The following SPAM1 variants were observed in gnomAD, a reference collection of about 807,000 sequenced individuals.
The protein encoded by SPAM1 is hyaluronidase PH-20.
In SPAM1, 22 loss-of-function variants were observed where a neutral mutation model predicts 29.6. The ratio of observed to expected loss-of-function variants is 0.74; its 90% CI spans 0.53 to 1.06. The LOEUF (loss-of-function observed/expected upper bound fraction) is 1.06. Ranked by LOEUF, SPAM1 falls within the 50% of genes least tolerant of loss-of-function variation. The probability of loss-of-function intolerance (pLI) is 0.00; values close to 1 mark genes in which losing one functional copy is unlikely to be tolerated. For missense variants in SPAM1, 534 were observed against 604.0 expected (o/e 0.88, Z 1.21); for synonymous variants, 194 against 204.6 (o/e 0.95, Z 0.44).
chr7:123,951,549 C>T (rs1054516208), intron 2 of SPAM1, among the ~76,000 whole-genome samples: 39 of 152,218 alleles, frequency 2.6e-4, no homozygotes, highest in African/African-American at 8.9e-4. Context: ...ATAGAAGTGT[C>T]CATTCTTTTT....
chr7:123,960,501 A>G (rs1489578987), downstream of SPAM1, among the ~76,000 whole-genome samples: 1 of 94,036 alleles, frequency 1.1e-5, no homozygotes, highest in East Asian at 2.3e-4. Context: ...GAAAAGAATT[A>G]GTATTTTTTT....
intron 4 of SPAM1, among the ~76,000 whole-genome samples, chr7:123,955,878 T>G (rs1792238834): frequency 6.6e-6 from 1 of 151,968 alleles, no homozygotes. Context: ...GTATTTTATG[T>G]GTCAGAAAAT....
At chr7:123,962,269 G>C (rs1294588277), downstream of SPAM1, among the ~76,000 whole-genome samples, 3 of 151,840 alleles carry the variant, frequency 2.0e-5, no homozygotes, top group Admixed American at 6.6e-5. Flanking sequence ...CTGATGATTA[G>C]TAAAGATGAG....
At chr7:123,971,225 A>G (rs1009239177) in exon 7 of SPAM1, 1 of 152,156 alleles carries the variant, frequency 6.6e-6, no homozygotes, top group Non-Finnish European at 1.5e-5. Context: ...ATATAAGATT[A>G]TAAGAAAAAT....
At chr7:123,949,180 T>A (rs1283317932) in intron 1 of SPAM1, among the ~76,000 whole-genome samples, 4 of 152,228 alleles carry the variant, frequency 2.6e-5, no homozygotes, top group African/African-American at 9.6e-5. Flanking sequence ...AGGTTTATGG[T>A]TATTTGTCTT....
At chr7:123,934,789 C>T (rs1332956435) in intron 1 of SPAM1, among the ~76,000 whole-genome samples, 1 of 151,990 alleles carries the variant, frequency 6.6e-6, no homozygotes, top group Non-Finnish European at 1.5e-5. Context: ...AAACGTTGAT[C>T]TTATAGAGGC....
At chr7:123,961,794 C>T (rs544885508), downstream of SPAM1, among the ~76,000 whole-genome samples, 4 of 152,062 alleles carry the variant, frequency 2.6e-5, no homozygotes, top group East Asian at 1.9e-4. Context: ...TTCTTAGTTC[C>T]GCATGGCTGG....
In SPAM1 at chr7:123,954,273, A is replaced by T; in HGVS notation, c.703A>T (p.Asn235Tyr). Residue 235 changes from asparagine to tyrosine, a missense_variant, in exon 3 of 5, where the codon AAT becomes TAT. By Grantham distance (143) the Asn-to-Tyr change is moderately radical. Transcript: ENST00000682466. Reference sequence around the variant, plus strand: ...CCATCACTATAAGAAACCCGGTTACAATGGAAGTTGCTTCAATGTAGAAAT... The same window carrying T: ...CCATCACTATAAGAAACCCGGTTACTATGGAAGTTGCTTCAATGTAGAAAT... The part of the protein sequence containing the change: ...YNHHYKKPGY[N>Y]GSCFNVEIKR... The T allele has an allele frequency of 2.5e-6, 4 of 1,612,582 alleles. No individual in the cohort carries two copies. The highest frequency in any genetic ancestry group is 3.4e-6 in the Non-Finnish European group (4 of 1,179,466).
intron 1 of SPAM1, among the ~76,000 whole-genome samples, chr7:123,945,519 CA>C: frequency 6.6e-6 from 1 of 152,058 alleles, no homozygotes; most frequent in Non-Finnish European, 1.5e-5. Flanking sequence ...CCTCTAAAGC[CA>C]AAGAGGTCAG....
At chr7:123,939,146 T>A (rs1045355410) in intron 1 of SPAM1, among the ~76,000 whole-genome samples, 6 of 149,340 alleles carry the variant, frequency 4.0e-5, no homozygotes, top group African/African-American at 9.9e-5. Flanking sequence ...AGTGCAGTGG[T>A]GCGATCTCGG....
chr7:123,970,753 G>A (rs1262419875), intron 6 of SPAM1, among the ~76,000 whole-genome samples: 1 of 151,818 alleles, frequency 6.6e-6, no homozygotes, highest in Non-Finnish European at 1.5e-5. Context: ...GATGAATCCA[G>A]TATATGAATG....
At chr7:123,939,480 T>G (rs1808361551) in intron 1 of SPAM1, among the ~76,000 whole-genome samples, 1 of 152,226 alleles carries the variant, frequency 6.6e-6, no homozygotes, top group African/African-American at 2.4e-5. Context: ...TGAATAATGC[T>G]TGTGTTCTGT....
At chr7:123,942,654 G>C (rs992797998) in intron 1 of SPAM1, among the ~76,000 whole-genome samples, 6 of 152,170 alleles carry the variant, frequency 3.9e-5, no homozygotes, top group African/African-American at 1.4e-4. Context: ...TATTAATGGA[G>C]TGAATTCCTC....
chr7:123,952,051 C>T (rs561183099), intron 2 of SPAM1, among the ~76,000 whole-genome samples: 6 of 152,068 alleles, frequency 3.9e-5, no homozygotes, highest in Non-Finnish European at 7.4e-5. Flanking sequence ...TTTCCCTGTC[C>T]CTGCCATTCA....
chr7:123,940,956 T>C (rs1808409736), intron 1 of SPAM1, among the ~76,000 whole-genome samples: 1 of 152,214 alleles, frequency 6.6e-6, no homozygotes, highest in South Asian at 2.1e-4. Flanking sequence ...TTAATGATTG[T>C]GATTTTCTAG....
At position 123,933,993 on chromosome 7, in the gene SPAM1, T is replaced by C. The variant is rs1177744770; in HGVS notation, c.-319+8641T>C. On this transcript the variant is annotated intron_variant, in intron 1 of 4. Coordinates refer to ENST00000682466, the MANE Select transcript of SPAM1 (RefSeq NM_153189.3). Reference sequence around the variant, plus strand: ...CTTCTTTTCTATGTTTAGGTATGTTTGTTTAGACACATGAATACCTACCAT... The same window carrying C: ...CTTCTTTTCTATGTTTAGGTATGTTCGTTTAGACACATGAATACCTACCAT... Among the ~76,000 whole-genome samples, 9 of 152,194 alleles carry C rather than the reference T, an allele frequency of 5.9e-5. No homozygotes were observed. The South Asian group carries it at 8.3e-4, about 14-fold the overall frequency.
rs754562438 is a variant in SPAM1, at chr7:123,955,037, G to T, written c.995G>T (p.Gly332Val). ...VYTFGETVAL[G>V]ASGIVIWGTL... Reference sequence around the variant, plus strand: ...ACATTTGGCGAAACTGTTGCTCTGGGTGCTTCTGGAATTGTAATATGGGGA... The same window carrying T: ...ACATTTGGCGAAACTGTTGCTCTGGTTGCTTCTGGAATTGTAATATGGGGA... The change falls in exon 4 of 5, where the codon GGT (glycine) becomes GTT (valine). Residue 332 changes from glycine to valine, a missense_variant. By Grantham distance (109) the Gly-to-Val change is moderately radical. Coordinates refer to ENST00000682466, the MANE Select transcript of SPAM1 (RefSeq NM_153189.3). The T allele has an allele frequency of 2.5e-6, 4 of 1,611,834 alleles. No homozygotes were observed. In the East Asian group the frequency reaches 6.7e-5, roughly 27 times the overall value.
chr7:123,958,867 C>T (rs549953888), intron 4 of SPAM1, among the ~76,000 whole-genome samples: 80 of 151,764 alleles, frequency 5.3e-4, no homozygotes, highest in Non-Finnish European at 1.0e-3. Flanking sequence ...AAATGTGGTG[C>T]TTCTTACATT....
chr7:123,941,747 G>A (rs572410229), intron 1 of SPAM1, among the ~76,000 whole-genome samples: 11 of 152,230 alleles, frequency 7.2e-5, no homozygotes, highest in South Asian at 6.2e-4. Flanking sequence ...TGATTTGGGC[G>A]TCCTAAGGTT....
Sources: gnomAD v4.1 joint callset for allele counts (sites outside exome capture counted in the v4.1 genomes callset) on GRCh38, gnomAD v4.1.1 for gene constraint, MANE v1.5 for transcripts, NCBI Gene and HGNC (gene_info 2026-07-23, HGNC 2026-07-21) for gene names.